HEATR4: variants seen among roughly 807,000 people sequenced by gnomAD.
The protein encoded by HEATR4 is HEAT repeat-containing protein 4.
HEATR4 carries 95 observed loss-of-function variants against 108.8 expected under a neutral mutation model. The observed-to-expected ratio is 0.87, with a 90% CI of 0.74 to 1.04. The LOEUF (loss-of-function observed/expected upper bound fraction) is 1.04, where lower values mean the gene tolerates loss of function less well. Ranked by LOEUF, HEATR4 falls within the 50% of genes least tolerant of loss-of-function variation. The probability of loss-of-function intolerance (pLI) is 0.00; values close to 1 mark genes in which losing one functional copy is unlikely to be tolerated. For synonymous variants in HEATR4, 443 were observed against 459.4 expected, an observed-to-expected ratio of 0.96 and a Z score of 0.46; for missense variants, 1,152 against 1,253.8, an observed-to-expected ratio of 0.92 and a Z score of 1.23.
At chr14:73,591,168 G>A in the HEATR4 span, among the ~76,000 whole-genome samples, 2 of 152,252 alleles carry the variant, frequency 1.3e-5, no homozygotes, top group Middle Eastern at 3.4e-3. Flanking sequence ...GATCACTTGA[G>A]CCTGGGAGGT....
the HEATR4 span, among the ~76,000 whole-genome samples, chr14:73,633,380 CTCGTTT>C: frequency 6.6e-6 from 1 of 152,178 alleles, no homozygotes; most frequent in Non-Finnish European, 1.5e-5. Flanking sequence ...CCCCGCTGGG[CTCGTTT>C]TAGGTCTTTG....
intron 12 of HEATR4, 22 bp from the exon 13 acceptor site, chr14:73,499,162 TGAGTG>T: frequency 6.2e-7 from 1 of 1,607,122 alleles, no homozygotes; most frequent in Non-Finnish European, 8.5e-7. Context: ...AAGGCAGTGT[TGAGTG>T]GGGAGGACCA....
At chr14:73,607,903 C>A in the HEATR4 span, among the ~76,000 whole-genome samples, 2 of 151,922 alleles carry the variant, frequency 1.3e-5, no homozygotes, top group African/African-American at 4.8e-5. Context: ...GGATTATAGG[C>A]ATGAGCCACC....
At chr14:73,537,581 G>T in intron 1 of HEATR4, 1 of 1,219,592 alleles carries the variant, frequency 8.2e-7, no homozygotes, top group Non-Finnish European at 1.1e-6. Flanking sequence ...GCGCTACCGC[G>T]CCGACACCCT....
rs1351395085 is a variant in HEATR4, at chr14:73,514,202, T to A, written c.1243A>T (p.Thr415Ser). ...TCCTTGGCGGGGGTGGGCAAAGCAG[T>A]CCAGCGCAGGGCTCCTTGCACAGGT... Reference protein sequence around the residue: ...YRPVQGALRWTALPTPAKDML... With the variant: ...YRPVQGALRWSALPTPAKDML... Residue 415 changes from threonine (T) to serine (S), a missense_variant, in exon 6 of 18, where the codon ACT becomes TCT. Physicochemically the swap from Thr to Ser is moderately conservative, Grantham distance 58. Transcript: ENST00000553558. The A allele has an allele frequency of 1.2e-6, 2 of 1,614,058 alleles. No homozygotes were observed. The highest frequency in any genetic ancestry group is 1.7e-6 in the Non-Finnish European group (2 of 1,180,048).
chr14:73,505,044 G>A (rs1886724903), intron 10 of HEATR4, among the ~76,000 whole-genome samples: 1 of 151,926 alleles, frequency 6.6e-6, no homozygotes, highest in Non-Finnish European at 1.5e-5. Flanking sequence ...CGATTCTCCT[G>A]CCTCAGCCTC....
the HEATR4 span, among the ~76,000 whole-genome samples, chr14:73,617,821 C>T: frequency 1.3e-5 from 2 of 152,004 alleles, no homozygotes; most frequent in Admixed American, 6.6e-5. Context: ...TAAAGAAAGT[C>T]CTTATCTGAT....
Position 73,492,400 on chromosome 14 carries a change from C to T in HEATR4, c.2844+666G>A, listed in dbSNP as rs763194090. The T allele has an allele frequency of 5.0e-6, 8 of 1,613,852 alleles. No homozygotes were observed. Among genetic ancestry groups the T allele is most frequent in the South Asian group, 2.2e-5 (2 of 91,062 alleles). On this transcript the variant is annotated intron_variant, in intron 17 of 17. Transcript: ENST00000553558. The surrounding 1 kb of genome is among the most constrained non-coding windows in gnomAD (Gnocchi z 4.9). ...GTCTGCCCCGAGACTTCATGGATTACATGGGGGCCCAGCATTCAGATTCTA... is the reference window on the plus strand; with the variant it reads ...GTCTGCCCCGAGACTTCATGGATTATATGGGGGCCCAGCATTCAGATTCTA...
chr14:73,583,947 G>T, the HEATR4 span, among the ~76,000 whole-genome samples: 1 of 151,928 alleles, frequency 6.6e-6, no homozygotes, highest in African/African-American at 2.4e-5. Context: ...GTTGCAGTGA[G>T]CTGAGACCAC....
chr14:73,503,102 T>C, intron 10 of HEATR4, 89 bp from the exon 11 acceptor site: 1 of 1,015,384 alleles, frequency 9.8e-7, no homozygotes, highest in South Asian at 1.3e-5. Context: ...CTTTTTTTAC[T>C]CATCACTGTA....
intron 16 of HEATR4, among the ~76,000 whole-genome samples, chr14:73,493,705 G>A (rs541231758): frequency 4.6e-5 from 7 of 152,258 alleles, no homozygotes; most frequent in African/African-American, 7.2e-5. Flanking sequence ...AGGCATAGTG[G>A]TGCGTGCCTG....
the HEATR4 span, among the ~76,000 whole-genome samples, chr14:73,614,314 C>T: frequency 6.6e-6 from 1 of 152,218 alleles, no homozygotes; most frequent in Non-Finnish European, 1.5e-5. Flanking sequence ...TACAGCTCTT[C>T]AGCAATTCTT....
intron 7 of HEATR4, 37 bp downstream of exon 7, chr14:73,511,969 T>C (rs1315406219): frequency 1.2e-6 from 2 of 1,613,138 alleles, no homozygotes; most frequent in East Asian, 4.5e-5. Flanking sequence ...CTTTATGAGT[T>C]GCTTATGTTC....
chr14:73,580,385 C>T, the HEATR4 span, among the ~76,000 whole-genome samples: 5 of 152,080 alleles, frequency 3.3e-5, no homozygotes, highest in East Asian at 1.9e-4. Context: ...ATCAGTAGAA[C>T]GGTGCAGCTG....
At chr14:73,500,310 CGTTAGT>C (rs796102056) in intron 12 of HEATR4, among the ~76,000 whole-genome samples, 5 of 148,360 alleles carry the variant, frequency 3.4e-5, no homozygotes, top group African/African-American at 1.0e-4. Context: ...CATCAACTAT[CGTTAGT>C]GTTAGTGTAC....
intron 10 of HEATR4, 31 bp downstream of exon 10, chr14:73,506,436 T>C (rs1354478685): frequency 6.5e-7 from 1 of 1,545,996 alleles, no homozygotes; most frequent in Non-Finnish European, 8.9e-7. Context: ...CTCTTAGGCT[T>C]TCTGTCCTGG....
chr14:73,620,033 T>C, the HEATR4 span: 1 of 547,128 alleles, frequency 1.8e-6, no homozygotes. Flanking sequence ...GACCTCAGAC[T>C]CCCGAGTATC....
chr14:73,592,334 C>A, the HEATR4 span: 2 of 1,604,714 alleles, frequency 1.2e-6, no homozygotes, highest in Non-Finnish European at 1.7e-6. Flanking sequence ...AGGCGCAGCA[C>A]GAGCGCCACT....
chr14:73,610,967 C>T, the HEATR4 span: 1 of 152,204 alleles, frequency 6.6e-6, no homozygotes, highest in African/African-American at 2.4e-5. Flanking sequence ...TTCCATCACC[C>T]AGGCAGCATT....
Sources: gnomAD v4.1 joint callset for allele counts (sites outside exome capture counted in the v4.1 genomes callset) on GRCh38, gnomAD v4.1.1 for gene constraint, Gnocchi (gnomAD v3.1) non-coding constraint, MANE v1.5 for transcripts, NCBI Gene and HGNC (gene_info 2026-07-23, HGNC 2026-07-21) for gene names.